Variants in FAM241A observed in about 807,000 individuals in gnomAD.
The protein encoded by FAM241A is uncharacterized protein FAM241A.
Under a neutral mutation model 12.2 loss-of-function variants are expected in FAM241A, and 7 were observed. That is an observed-to-expected ratio of 0.58 (90% confidence interval 0.33 to 1.08). The LOEUF is 1.08. FAM241A is among the 50% of genes least tolerant of loss of function. The pLI is 0.04. For missense variants in FAM241A, 161 were observed against 169.7 expected (o/e 0.95, Z 0.29); for synonymous variants, 74 against 68.2 (o/e 1.08, Z -0.42).
intron 1 of FAM241A, among the ~76,000 whole-genome samples, chr4:112,152,639 C>T (rs80234682): frequency 6.6e-6 from 1 of 152,084 alleles, no homozygotes; most frequent in Non-Finnish European, 1.5e-5. Context: ...GTCTCGTTCT[C>T]TCATGTGTTT....
intron 1 of FAM241A, among the ~76,000 whole-genome samples, chr4:112,151,468 C>G (rs942119756): frequency 3.9e-5 from 6 of 152,146 alleles, no homozygotes; most frequent in African/African-American, 1.2e-4. Context: ...GAAACTGACA[C>G]AAGTATTCCT....
Position 112,193,738 on chromosome 4 carries a change from T to G in FAM241A, c.*6800T>G, listed in dbSNP as rs1241736312. 1.3e-5 allele frequency: 2 copies of G among 152,186 alleles called. No individual in the cohort carries two copies. Among genetic ancestry groups the G allele is most frequent in the African/African-American group, 2.4e-5 (1 of 41,430 alleles). 9.4% of individuals were successfully genotyped at this position (152,186 alleles called of 1,614,324 possible). A position where few individuals can be genotyped will look rare whatever the true frequency, so the allele number is the denominator to read the frequency against. ...GTTTTGGTACCAGTACCATGCTGTT[T>G]TGGTTATTGTAGCCTTGTAGTATAG... On this transcript the variant is annotated 3_prime_UTR_variant, in exon 2 of 2. Transcript: ENST00000309733.
At chr4:112,156,793 CT>C (rs1168351486) in intron 1 of FAM241A, among the ~76,000 whole-genome samples, 2 of 152,284 alleles carry the variant, frequency 1.3e-5, no homozygotes, top group East Asian at 3.9e-4. Flanking sequence ...TAAAAGATTT[CT>C]GTGAAACATC....
chr4:112,164,708 C>A (rs181568872), intron 1 of FAM241A, among the ~76,000 whole-genome samples: 3 of 152,300 alleles, frequency 2.0e-5, no homozygotes, highest in East Asian at 3.9e-4. Flanking sequence ...ACTACCCTGA[C>A]AAGCGATTAA....
At chr4:112,171,983 CA>C (rs1723733370) in intron 1 of FAM241A, among the ~76,000 whole-genome samples, 1 of 152,066 alleles carries the variant, frequency 6.6e-6, no homozygotes, top group African/African-American at 2.4e-5. Flanking sequence ...TACATTGAAA[CA>C]ATTAGAATGT....
intron 1 of FAM241A, among the ~76,000 whole-genome samples, chr4:112,173,570 A>G (rs947209277): frequency 6.6e-6 from 1 of 152,344 alleles, no homozygotes; most frequent in South Asian, 2.1e-4. Context: ...AAAGGGAGCC[A>G]TTTTAAAATT....
chr4:112,177,241 AAGAT>A (rs1345909357), intron 1 of FAM241A, among the ~76,000 whole-genome samples: 1 of 152,054 alleles, frequency 6.6e-6, no homozygotes, highest in African/African-American at 2.4e-5. Context: ...TAAAGGAAAA[AAGAT>A]AGTGATACTC....
At chr4:112,159,515 G>C (rs1214286461) in intron 1 of FAM241A, among the ~76,000 whole-genome samples, 1 of 152,098 alleles carries the variant, frequency 6.6e-6, no homozygotes, top group Non-Finnish European at 1.5e-5. Context: ...GATGACTATT[G>C]AGGTACAAAT....
intron 1 of FAM241A, among the ~76,000 whole-genome samples, chr4:112,182,907 G>A (rs1474334874): frequency 6.6e-6 from 1 of 151,458 alleles, no homozygotes; most frequent in African/African-American, 2.4e-5. Context: ...TAATGAGATT[G>A]ACTATAATCT....
intron 1 of FAM241A, among the ~76,000 whole-genome samples, chr4:112,184,109 G>A (rs1723994985): frequency 6.6e-6 from 1 of 152,172 alleles, no homozygotes; most frequent in African/African-American, 2.4e-5. Flanking sequence ...GAAGTAATTT[G>A]GCTAAGGTCA....
At chr4:112,157,733 A>G (rs1723383041) in intron 1 of FAM241A, among the ~76,000 whole-genome samples, 1 of 152,122 alleles carries the variant, frequency 6.6e-6, no homozygotes, top group Non-Finnish European at 1.5e-5. Flanking sequence ...AAAACACCCC[A>G]AACACTTCCA....
At chr4:112,172,480 A>G (rs769302463) in intron 1 of FAM241A, among the ~76,000 whole-genome samples, 81 of 152,232 alleles carry the variant, frequency 5.3e-4, no homozygotes, top group Non-Finnish European at 8.7e-4. Context: ...TAAACACACC[A>G]TATCATTTTT....
intron 1 of FAM241A, among the ~76,000 whole-genome samples, chr4:112,176,481 G>GACA (rs1723824855): frequency 6.6e-6 from 1 of 152,188 alleles, no homozygotes. Flanking sequence ...GATACATGAC[G>GACA]GAGCAGGATT....
At chr4:112,177,789 G>A (rs921451305) in intron 1 of FAM241A, among the ~76,000 whole-genome samples, 8 of 151,998 alleles carry the variant, frequency 5.3e-5, no homozygotes, top group Non-Finnish European at 1.0e-4. Context: ...GAATTATGCC[G>A]AGCATGTAAA....
At chr4:112,158,322 A>G (rs904651359) in intron 1 of FAM241A, among the ~76,000 whole-genome samples, 1 of 152,154 alleles carries the variant, frequency 6.6e-6, no homozygotes, top group African/African-American at 2.4e-5. Context: ...CTCCATTTAC[A>G]TAATATTGAA....
At chr4:112,179,931 A>G (rs1198631967) in intron 1 of FAM241A, among the ~76,000 whole-genome samples, 1 of 127,734 alleles carries the variant, frequency 7.8e-6, no homozygotes, top group African/African-American at 2.9e-5. Flanking sequence ...ATATATATAT[A>G]TATATATGTA....
At chr4:112,172,404 A>G (rs1456032871) in intron 1 of FAM241A, among the ~76,000 whole-genome samples, 1 of 152,234 alleles carries the variant, frequency 6.6e-6, no homozygotes, top group East Asian at 1.9e-4. Flanking sequence ...TGTAAACCAC[A>G]GAATCGGTTT....
intron 1 of FAM241A, among the ~76,000 whole-genome samples, chr4:112,148,477 C>G (rs1461783066): frequency 6.6e-6 from 1 of 152,130 alleles, no homozygotes; most frequent in Admixed American, 6.5e-5. Flanking sequence ...GAAGGTTCTT[C>G]TGTCATTCTG....
At chr4:112,153,262 C>A (rs965870221) in intron 1 of FAM241A, among the ~76,000 whole-genome samples, 3 of 152,276 alleles carry the variant, frequency 2.0e-5, no homozygotes, top group Admixed American at 2.0e-4. Flanking sequence ...ATACCCACCT[C>A]CTCTGTACAA....
Sources: gnomAD v4.1 joint callset for allele counts (sites outside exome capture counted in the v4.1 genomes callset) on GRCh38, gnomAD v4.1.1 for gene constraint, MANE v1.5 for transcripts, NCBI Gene and HGNC (gene_info 2026-07-23, HGNC 2026-07-21) for gene names.